ADAMTS3: variants seen among roughly 807,000 people sequenced by gnomAD.
ADAMTS3 encodes A disintegrin and metalloproteinase with thrombospondin motifs 3.
A neutral mutation model predicts 129.0 loss-of-function variants in ADAMTS3; 73 were observed. The observed-to-expected ratio is 0.57, with a 90% CI of 0.47 to 0.69. The LOEUF (loss-of-function observed/expected upper bound fraction) is 0.69, where lower values mean the gene tolerates loss of function less well. Among genes scored for constraint, ADAMTS3 ranks in the 30% least tolerant of loss-of-function variants. The pLI is 0.00. For synonymous variants in ADAMTS3, 477 were observed against 510.8 expected (o/e 0.93, Z 0.89); for missense variants, 1,457 against 1,514.5 (o/e 0.96, Z 0.63).
intron 5 of ADAMTS3, 103 bp from the exon 6 acceptor site, chr4:72,323,200 CT>C: frequency 1.2e-6 from 1 of 857,802 alleles, no homozygotes; most frequent in South Asian, 1.5e-5. Context: ...GAGTAAATTG[CT>C]GTTTTTAAAT....
chr4:72,323,043 C>G lies in ADAMTS3; in HGVS notation c.916G>C (p.Val306Leu). The G allele has an allele frequency of 6.2e-7, 1 of 1,613,544 alleles. No homozygotes were observed. The highest frequency in any genetic ancestry group is 8.5e-7 in the Non-Finnish European group (1 of 1,179,698). Reference protein sequence around the residue: ...SLGVHINVVLVRMIMLGYAKS... With the variant: ...SLGVHINVVLLRMIMLGYAKS... Reference sequence around the variant, plus strand: ...GCATATCCCAGCATTATCATGCGCACCAGGACCACATTTATATGCACTCCG... The same window carrying G: ...GCATATCCCAGCATTATCATGCGCAGCAGGACCACATTTATATGCACTCCG... Residue 306 changes from valine to leucine, a missense_variant, in exon 6 of 22, where the codon GTG becomes CTG. Coordinates refer to ENST00000286657, the MANE Select transcript of ADAMTS3 (RefSeq NM_014243.3).
At chr4:72,295,565 A>T in intron 19 of ADAMTS3, 89 bp downstream of exon 19, 8 of 1,394,526 alleles carry the variant, frequency 5.7e-6, no homozygotes, top group Non-Finnish European at 7.8e-6. Context: ...TAGAGCTTTG[A>T]CTGAAAATAA....
intron 4 of ADAMTS3, among the ~76,000 whole-genome samples, chr4:72,379,275 A>C (rs1721214199): frequency 6.6e-6 from 1 of 152,152 alleles, no homozygotes; most frequent in Admixed American, 6.6e-5. Flanking sequence ...AATTTTGCTC[A>C]ACAGAACTCC....
In ADAMTS3 at chr4:72,291,614, T is replaced by C. The variant is rs374622461; in HGVS notation, c.2724-552A>G. ...TTTATGGCTGCATAGTATTCCATGG[T>C]GTATATGTGCCACATTTTCTTAATC... On this transcript the variant is annotated intron_variant, in intron 19 of 21. Transcript: ENST00000286657. Among the ~76,000 whole-genome samples the C allele has an allele frequency of 1.0e-2, 1,515 of 151,886 alleles. 21 individuals carry two copies. Among genetic ancestry groups the C allele is most frequent in the African/African-American group, 0.033 (1,367 of 41,404 alleles).
At chr4:72,289,613 T>G (rs1405354525) in intron 20 of ADAMTS3, among the ~76,000 whole-genome samples, 1 of 152,162 alleles carries the variant, frequency 6.6e-6, no homozygotes, top group Non-Finnish European at 1.5e-5. Flanking sequence ...CCTCCAAAAC[T>G]CAGGTTGAAA....
chr4:72,560,593 C>T (rs1435653526), intron 2 of ADAMTS3, among the ~76,000 whole-genome samples: 1 of 152,124 alleles, frequency 6.6e-6, no homozygotes, highest in East Asian at 1.9e-4. Context: ...GAACAGAAAA[C>T]CAAGCACCAC....
chr4:72,516,646 T>C (rs923421115), intron 3 of ADAMTS3, among the ~76,000 whole-genome samples: 7 of 152,138 alleles, frequency 4.6e-5, no homozygotes, highest in Admixed American at 3.3e-4. Flanking sequence ...TAGTCCGTTA[T>C]TGGTGTATAA....
intron 3 of ADAMTS3, among the ~76,000 whole-genome samples, chr4:72,429,857 T>C (rs1211348645): frequency 6.6e-6 from 1 of 152,022 alleles, no homozygotes; most frequent in Non-Finnish European, 1.5e-5. Context: ...GACCATATCA[T>C]GGTCAACATC....
rs1049283031 is a variant in ADAMTS3 at position 72,556,417 on chromosome 4, G to A, written c.98-7533C>T. ...AATACATTGCAAAGACCACACTATAGAACTGTAAAAGAACAGAAGTCTTCA... is the reference window on the plus strand; with the variant it reads ...AATACATTGCAAAGACCACACTATAAAACTGTAAAAGAACAGAAGTCTTCA... On this transcript the variant is annotated intron_variant, in intron 2 of 21. Coordinates refer to ENST00000286657, the MANE Select transcript of ADAMTS3 (RefSeq NM_014243.3). Among the ~76,000 whole-genome samples the A allele has an allele frequency of 4.6e-5, 7 of 151,604 alleles. 2 individuals carry two copies. The highest frequency in any genetic ancestry group is 1.7e-4 in the African/African-American group (7 of 40,990).
intron 3 of ADAMTS3, among the ~76,000 whole-genome samples, chr4:72,480,340 A>G (rs2110004865): frequency 6.6e-6 from 1 of 152,348 alleles, no homozygotes; most frequent in East Asian, 1.9e-4. Flanking sequence ...CGTGGCACAT[A>G]TACACCATGG....
At chr4:72,362,940 A>T (rs1370951091) in intron 4 of ADAMTS3, among the ~76,000 whole-genome samples, 1 of 152,070 alleles carries the variant, frequency 6.6e-6, no homozygotes, top group African/African-American at 2.4e-5. Flanking sequence ...TAAACCAAAC[A>T]CTTTAATTTT....
chr4:72,288,855 C>T lies in ADAMTS3; in HGVS notation c.2945G>A (p.Cys982Tyr). The T allele has an allele frequency of 6.2e-7, 1 of 1,611,388 alleles. No homozygotes were observed. Among genetic ancestry groups the T allele is most frequent in the Non-Finnish European group, 8.5e-7 (1 of 1,178,528 alleles). ...CTGCCTCACCTCCGTTCCTTCACCG[C>T]AGGTCACTGAACACTGCAGAGACAA... ...TGPWSECSVT[C>Y]GEGTEVRQVL... The change falls in exon 21 of 22, where the codon TGC (cysteine) becomes TAC (tyrosine). Residue 982 changes from cysteine to tyrosine, a missense_variant. Transcript: ENST00000286657.
At chr4:72,336,730 G>A (rs1204210780) in intron 5 of ADAMTS3, among the ~76,000 whole-genome samples, 1 of 152,128 alleles carries the variant, frequency 6.6e-6, no homozygotes, top group Admixed American at 6.5e-5. Context: ...TCTCAGCATC[G>A]TTGACATTTT....
intron 4 of ADAMTS3, among the ~76,000 whole-genome samples, chr4:72,391,380 G>A (rs951945313): frequency 2.6e-5 from 4 of 151,472 alleles, no homozygotes; most frequent in Admixed American, 2.6e-4. Context: ...AGTGTTTTTG[G>A]CAAAAGAAAT....
intron 3 of ADAMTS3, among the ~76,000 whole-genome samples, chr4:72,491,582 T>C (rs923748619): frequency 5.3e-5 from 8 of 151,790 alleles, no homozygotes; most frequent in South Asian, 2.1e-4. Context: ...ACTCTGTTAA[T>C]TGTGTATGTA....
intron 21 of ADAMTS3, among the ~76,000 whole-genome samples, chr4:72,284,337 C>T (rs533436017): frequency 2.6e-5 from 4 of 151,388 alleles, no homozygotes; most frequent in African/African-American, 2.4e-5. Context: ...CCCAGCTACT[C>T]GTGAGGCTGA....
chr4:72,479,070 C>T (rs1213908712), intron 3 of ADAMTS3, among the ~76,000 whole-genome samples: 1 of 152,138 alleles, frequency 6.6e-6, no homozygotes, highest in East Asian at 1.9e-4. Context: ...AAGAACATTC[C>T]ATGCTCATGG....
chr4:72,317,167 C>A (rs1719418407), intron 10 of ADAMTS3, among the ~76,000 whole-genome samples: 2 of 152,148 alleles, frequency 1.3e-5, no homozygotes, highest in South Asian at 2.1e-4. Flanking sequence ...CCTACATACA[C>A]CCTTATGTGC....
rs573153609 is a variant in ADAMTS3, at chr4:72,534,046, G to A, written c.504+14432C>T. ...ATTGTCATAGAACATCACAGTCCCCGGCTGGGTGCAGGGGCTCACGCCTGT... is the reference window on the plus strand; with the variant it reads ...ATTGTCATAGAACATCACAGTCCCCAGCTGGGTGCAGGGGCTCACGCCTGT... On this transcript the variant is annotated intron_variant, in intron 3 of 21. Coordinates refer to ENST00000286657, the MANE Select transcript of ADAMTS3 (RefSeq NM_014243.3). Among the ~76,000 whole-genome samples, 29 of 152,280 alleles carry A rather than the reference G, an allele frequency of 1.9e-4. 1 individual carries two copies. In the South Asian group the frequency reaches 5.4e-3, roughly 28 times the overall value.
Sources: allele counts gnomAD v4.1 joint callset (sites outside exome capture counted in the v4.1 genomes callset), GRCh38; gene constraint gnomAD v4.1.1; transcripts MANE v1.5; gene names NCBI Gene and HGNC (gene_info 2026-07-23, HGNC 2026-07-21).